MADD: variants seen among roughly 807,000 people sequenced by gnomAD.
MADD encodes the protein MAP kinase-activating death domain protein.
MADD carries 109 observed loss-of-function variants against 176.7 expected under a neutral mutation model. The ratio of observed to expected loss-of-function variants is 0.62; its 90% CI spans 0.53 to 0.72. The LOEUF is 0.72. Ranked by LOEUF, MADD falls within the 30% of genes least tolerant of loss-of-function variation. MADD has a pLI of 0.00. For missense variants in MADD, 1,914 were observed against 2,045.5 expected, an observed-to-expected ratio of 0.94 and a Z score of 1.24; for synonymous variants, 771 against 771.3, an observed-to-expected ratio of 1.00 and a Z score of 0.01.
chr11:47,315,448 A>C, intron 27 of MADD, 121 bp downstream of exon 30: 1 of 580,822 alleles, frequency 1.7e-6, no homozygotes, highest in East Asian at 3.0e-5. Flanking sequence ...ATTTATCATT[A>C]AATTATCAGA....
intron 20 of MADD, 25 bp downstream of exon 22, chr11:47,294,008 T>C (rs750920734): frequency 6.4e-7 from 1 of 1,561,178 alleles, no homozygotes; most frequent in South Asian, 1.1e-5. Context: ...TGTTGAAATT[T>C]GCAAGTATTA....
chr11:47,284,050 T>G (rs1284314083), intron 10 of MADD, 128 bp from the exon 11 acceptor site: 4 of 678,124 alleles, frequency 5.9e-6, no homozygotes, highest in Non-Finnish European at 7.8e-6. Context: ...TTTCTTGGCT[T>G]CTTTATTTGA....
Position 47,281,655 on chromosome 11 carries a change from C to T in MADD, c.1371C>T (p.Leu457=), listed in dbSNP as rs764261131. 12 of 1,613,646 alleles carry T rather than the reference C, an allele frequency of 7.4e-6. No homozygotes were observed. The East Asian group carries it at 2.0e-4, about 27-fold the overall frequency. Residue 457 remains leucine (L), a synonymous_variant, in exon 8 of 33, where the codon CTC becomes CTT. Coordinates refer to ENST00000402192, the Ensembl canonical transcript of MADD. ...ATGAGGGCCAGGAGATCCCCCTTCT[C>T]TTGGGAAGGCCTTCTAATGACCTGC...
chr11:47,320,902 C>A (rs550753381), intron 27 of MADD, among the ~76,000 whole-genome samples: 1 of 152,186 alleles, frequency 6.6e-6, no homozygotes, highest in Non-Finnish European at 1.5e-5. Flanking sequence ...TCCTGGGTGA[C>A]AGAGCAAAAC....
chr11:47,320,867 G>A (rs530921301), intron 27 of MADD, among the ~76,000 whole-genome samples: 2 of 152,206 alleles, frequency 1.3e-5, no homozygotes, highest in African/African-American at 2.4e-5. Context: ...GCTTCAGTGA[G>A]CTCTGATTAC....
At chr11:47,296,485 A>G (rs1431567448) in intron 22 of MADD, among the ~76,000 whole-genome samples, 1 of 152,222 alleles carries the variant, frequency 6.6e-6, no homozygotes. Context: ...ATTTTAGTAT[A>G]TTCCTAACAG....
At chr11:47,307,416 G>A (rs766238521) in intron 22 of MADD, among the ~76,000 whole-genome samples, 1 of 152,136 alleles carries the variant, frequency 6.6e-6, no homozygotes, top group African/African-American at 2.4e-5. Context: ...GCTGCTGAGT[G>A]TAGCGACCTA....
chr11:47,274,611 A>G, exon 3 of MADD: 1 of 1,614,142 alleles, frequency 6.2e-7, no homozygotes, highest in Non-Finnish European at 8.5e-7. Context: ...TGCTACGGCG[A>G]TACCCCTTGG....
At chr11:47,328,787 C>G (rs1595783137) in intron 32 of MADD, 83 bp downstream of exon 36, 1 of 1,570,744 alleles carries the variant, frequency 6.4e-7, no homozygotes, top group Non-Finnish European at 8.7e-7. Flanking sequence ...GGAGGGCCCT[C>G]TGAGCGCACA....
At chr11:47,274,074 C>T (rs1442148912) in intron 2 of MADD, 98 bp downstream of exon 2, 17 of 1,131,190 alleles carry the variant, frequency 1.5e-5, no homozygotes, top group Non-Finnish European at 2.1e-5. Context: ...TTGCATAGCT[C>T]ATCTTCTCCT....
At chr11:47,296,205 TC>T (rs2071599325) in intron 22 of MADD, 150 bp downstream of exon 24, 1 of 916,968 alleles carries the variant, frequency 1.1e-6, no homozygotes, top group Non-Finnish European at 1.6e-6. Context: ...GGAAAACATT[TC>T]TTAAGGCTTT....
At position 47,302,511 on chromosome 11, in the gene MADD, C is replaced by T. The variant is rs139245978; in HGVS notation, c.3643-6080C>T. 3.7e-3 allele frequency among the ~76,000 whole-genome samples: 558 copies of T among 152,320 alleles called. 2 individuals carry two copies. The highest frequency in any genetic ancestry group is 0.012 in the African/African-American group (504 of 41,570). ...ACAGGCGTGAGCCACCGTGCTCAGC[C>T]TCTTTTTAGTTTTTGACATAAAGTC... On this transcript the variant is annotated intron_variant, in intron 22 of 32. Transcript: ENST00000402192.
intron 1 of MADD, chr11:47,270,933 C>T (rs1474922332): frequency 6.6e-6 from 1 of 152,236 alleles, no homozygotes; most frequent in Non-Finnish European, 1.5e-5. Flanking sequence ...TTCACGTCAG[C>T]AGAGATGTCA....
chr11:47,292,988 C>A (rs531849751), intron 19 of MADD, among the ~76,000 whole-genome samples: 2 of 152,222 alleles, frequency 1.3e-5, no homozygotes, highest in South Asian at 4.1e-4. Context: ...CTGCCCCACT[C>A]TCTGGTGGCT....
chr11:47,326,745 T>C, exon 31 of MADD: 1 of 1,614,190 alleles, frequency 6.2e-7, no homozygotes, highest in Non-Finnish European at 8.5e-7. Context: ...CAGGTTTTCA[T>C]AGAGCTGAAT....
chr11:47,298,331 T>C (rs1256689380), intron 22 of MADD, among the ~76,000 whole-genome samples: 1 of 152,270 alleles, frequency 6.6e-6, no homozygotes, highest in Non-Finnish European at 1.5e-5. Context: ...CAGTGCTTGC[T>C]TGTACTCTTC....
chr11:47,279,037 G>A, exon 7 of MADD: 1 of 1,613,992 alleles, frequency 6.2e-7, no homozygotes, highest in East Asian at 2.2e-5. Context: ...TGCCTATCCT[G>A]CCAGAACCAG....
chr11:47,324,826 C>T (rs548110513), intron 30 of MADD: 447 of 655,620 alleles, frequency 6.8e-4, no homozygotes, highest in Non-Finnish European at 9.8e-4. Context: ...CAGGTGGCCA[C>T]GCTGCCCCAT....
intron 27 of MADD, among the ~76,000 whole-genome samples, chr11:47,320,748 C>A (rs564614744): frequency 1.7e-3 from 259 of 151,812 alleles, no homozygotes; most frequent in African/African-American, 6.2e-3. Context: ...ATAGGGAAAC[C>A]CCGTCTCCAC....
Sources: allele counts gnomAD v4.1 joint callset (sites outside exome capture counted in the v4.1 genomes callset), GRCh38; gene constraint gnomAD v4.1.1; transcripts MANE v1.5; gene names NCBI Gene and HGNC (gene_info 2026-07-23, HGNC 2026-07-21).